RBM23: variants seen among roughly 807,000 people sequenced by gnomAD.
RBM23 encodes RNA binding motif protein 23, also known as probable RNA-binding protein 23.
A neutral mutation model predicts 56.2 loss-of-function variants in RBM23; 53 were observed. The ratio of observed to expected loss-of-function variants is 0.94; its 90% CI spans 0.76 to 1.19. The LOEUF (loss-of-function observed/expected upper bound fraction) is 1.19, where lower values mean the gene tolerates loss of function less well. Ranked by LOEUF, RBM23 falls within the 50% of genes most tolerant of loss-of-function variation. The probability of loss-of-function intolerance (pLI) is 0.00; values close to 1 mark genes in which losing one functional copy is unlikely to be tolerated. For synonymous variants in RBM23, 197 were observed against 198.5 expected (o/e 0.99, Z 0.06); for missense variants, 642 against 590.3 (o/e 1.09, Z -0.91).
At chr14:22,913,984 A>C (rs1352161419) in intron 1 of RBM23, 1 of 147,418 alleles carries the variant, frequency 6.8e-6, no homozygotes, top group Non-Finnish European at 1.5e-5. Flanking sequence ...AGATGGCACC[A>C]TTGCACTCCA....
chr14:22,914,259 A>T (rs1055760109), intron 1 of RBM23, among the ~76,000 whole-genome samples: 2 of 144,970 alleles, frequency 1.4e-5, no homozygotes, highest in African/African-American at 5.1e-5. Flanking sequence ...CGGGAGACAG[A>T]GGTTGCAGTG....
chr14:22,910,151 C>CA (rs532892000), intron 2 of RBM23, among the ~76,000 whole-genome samples: 566 of 16,692 alleles, frequency 0.034, 123 homozygotes, highest in African/African-American at 0.094. Flanking sequence ...GACTCTGTCT[C>CA]AAAAAAAAAA....
intron 4 of RBM23, 137 bp from the exon 5 acceptor site, chr14:22,906,505 TGTC>T (rs1413487415): frequency 1.2e-5 from 12 of 991,400 alleles, no homozygotes; most frequent in Non-Finnish European, 1.8e-5. Flanking sequence ...GCCACTGTAA[TGTC>T]GTAATGTATT....
rs912069835 is a variant in RBM23, at chr14:22,919,010, C to T, written c.-22G>A. The stretch of plus-strand genomic sequence containing the variant: ...TTGGGGTTTCTCACCAGTTCCGGGT[C>T]CCCGCAGGGGGGTCCCGGTTCTCTC... On this transcript the variant is annotated 5_prime_UTR_variant, in exon 1 of 14. Transcript: ENST00000359890. 1 of 152,090 alleles carries T rather than the reference C, an allele frequency of 6.6e-6. No individual in the cohort carries two copies. The highest frequency in any genetic ancestry group is 1.5e-5 in the Non-Finnish European group (1 of 68,022). The allele number at this position is 152,090 out of a possible 1,614,324, so 9.4% of individuals were successfully genotyped here. A position where few individuals can be genotyped will look rare whatever the true frequency, so the allele number is the denominator to read the frequency against.
intron 10 of RBM23, chr14:22,902,684 T>C (rs1003020401): frequency 9.4e-6 from 10 of 1,058,504 alleles, no homozygotes; most frequent in Admixed American, 1.0e-4. Flanking sequence ...AATGGGTATA[T>C]CAAATGGAAG....
Position 22,911,424 on chromosome 14 carries a change from T to A in RBM23, c.-10-21A>T, listed in dbSNP as rs749791691. ...CAGATCTGGGGAGAGGATATTAATATGTAAGAATCTGTTTTATATTTTTCC... is the reference window on the plus strand; with the variant it reads ...CAGATCTGGGGAGAGGATATTAATAAGTAAGAATCTGTTTTATATTTTTCC... On this transcript the variant is annotated intron_variant, in intron 1 of 13. Coordinates refer to ENST00000359890, the MANE Select transcript of RBM23 (RefSeq NM_001077351.2). 6 of 1,582,984 alleles carry A rather than the reference T, an allele frequency of 3.8e-6. No homozygotes were observed. In the Admixed American group the frequency reaches 1.0e-4, roughly 27 times the overall value.
intron 1 of RBM23, among the ~76,000 whole-genome samples, chr14:22,915,538 C>T (rs1278251360): frequency 7.1e-6 from 1 of 140,340 alleles, no homozygotes; most frequent in African/African-American, 2.7e-5. Context: ...CTCTGTTGTC[C>T]AGGCTGGAGT....
chr14:22,912,907 G>C (rs1230063107), intron 1 of RBM23, among the ~76,000 whole-genome samples: 1 of 147,884 alleles, frequency 6.8e-6, no homozygotes. Flanking sequence ...GGCTGAGGCA[G>C]GAGTATCACT....
rs768765088 is a variant in RBM23 at position 22,902,397 on chromosome 14, G to A, written c.931-15C>T. The A allele has an allele frequency of 7.5e-6, 12 of 1,605,528 alleles. No individual in the cohort carries two copies. The African/African-American group carries it at 1.3e-4, about 18-fold the overall frequency. On this transcript the variant is annotated splice_polypyrimidine_tract_variant and intron_variant, in intron 10 of 13. Coordinates refer to ENST00000359890, the MANE Select transcript of RBM23 (RefSeq NM_001077351.2). ...GAATCAGAGAACTATGAGAAACCCA[G>A]GCCATGTTAGTCACCTACTCACCAA...
chr14:22,909,331 C>A (rs1008664964), intron 3 of RBM23, 152 bp downstream of exon 3: 4 of 681,166 alleles, frequency 5.9e-6, no homozygotes, highest in African/African-American at 5.3e-5. Flanking sequence ...ATAATTAAAT[C>A]AAGTCACCAT....
intron 10 of RBM23, chr14:22,903,581 A>G (rs1218661125): frequency 4.0e-6 from 4 of 988,302 alleles, no homozygotes; most frequent in Non-Finnish European, 4.8e-6. Context: ...ACAGAATACA[A>G]CCTACTGCCC....
rs542947446 is a variant in RBM23 at position 22,906,219 on chromosome 14, T to C, written c.377A>G (p.Tyr126Cys). The change falls in exon 5 of 14, where the codon TAC becomes TGC. Residue 126 changes from tyrosine to cysteine, a missense_variant. Physicochemically the swap from Tyr to Cys is radical, Grantham distance 194 (BLOSUM62 -2). Coordinates refer to ENST00000359890, the MANE Select transcript of RBM23 (RefSeq NM_001077351.2). The part of the protein sequence containing the change: ...RDHRREDRVH[Y>C]RSPPLATGYR... Reference sequence around the variant, plus strand: ...CCCAGTGGCAAGTGGAGGACTCCTGTAATGCACACGATCCTCACGACGATG... The same window carrying C: ...CCCAGTGGCAAGTGGAGGACTCCTGCAATGCACACGATCCTCACGACGATG... 1.2e-6 allele frequency: 2 copies of C among 1,614,246 alleles called. No individual in the cohort carries two copies. Among genetic ancestry groups the C allele is most frequent in the South Asian group, 1.1e-5 (1 of 91,084 alleles).
Position 22,911,376 on chromosome 14 carries a change from A to C in RBM23, c.18T>G (p.Phe6Leu). 1 of 1,613,680 alleles carries C rather than the reference A, an allele frequency of 6.2e-7. No homozygotes were observed. The highest frequency in any genetic ancestry group is 1.1e-5 in the South Asian group (1 of 91,064). ...CCAGCATGGCCTCAATCACTATGTC[A>C]AAGTCATCAGATGCCATCCTGTCAG... MASDDFDIVIEAMLEA... is the reference protein window; with the variant it reads MASDDLDIVIEAMLEA... Residue 6 changes from phenylalanine (F) to leucine (L), a missense_variant, in exon 2 of 14, where the codon TTT becomes TTG. Transcript: ENST00000359890.
Position 22,904,948 on chromosome 14 carries a change from C to T in RBM23, c.791G>A (p.Arg264His), listed in dbSNP as rs1229131414. 32 of 1,614,112 alleles carry T rather than the reference C, an allele frequency of 2.0e-5. No homozygotes were observed. The highest frequency in any genetic ancestry group is 4.0e-5 in the African/African-American group (3 of 74,940). ...GAAGTGCAGGGAACCCACATAGAGG[C>T]GCATTGGTCCACCATTGCCCTTTTG... Reference protein sequence around the residue: ...NLQKGNGGPMRLYVGSLHFNI... With the variant: ...NLQKGNGGPMHLYVGSLHFNI... The change falls in exon 9 of 14, where the codon CGC (arginine) becomes CAC (histidine). Residue 264 changes from arginine to histidine, a missense_variant. Coordinates refer to ENST00000359890, the MANE Select transcript of RBM23 (RefSeq NM_001077351.2).
In RBM23 at chr14:22,911,351, C is replaced by T; in HGVS notation, c.43G>A (p.Glu15Lys). Residue 15 changes from glutamate to lysine, a missense_variant, in exon 2 of 14, where the codon GAA (glutamate) becomes AAA (lysine). Glu to Lys is a moderately conservative substitution (Grantham distance 56). Transcript: ENST00000359890. ...DFDIVIEAML[E>K]APYKKEEDEQ... ...ACCTCTTCTTTTTTATAGGGAGCTT[C>T]CAGCATGGCCTCAATCACTATGTCA... 1 of 1,613,744 alleles carries T rather than the reference C, an allele frequency of 6.2e-7. No homozygotes were observed. Among genetic ancestry groups the T allele is most frequent in the East Asian group, 2.2e-5 (1 of 44,862 alleles).
In RBM23 at chr14:22,901,731, T is replaced by A; in HGVS notation, c.1319A>T (p.Ter440LeuextTer66). ...GAGGCAGTATACTGTGCCACTGATT[T>A]ACCTGTGGAAAGAAGAGGTAAATGG... ...LSSLFTPQTM[*>L] Residue 440 changes from the stop codon to leucine (L), a stop_lost and splice_region_variant, in exon 14 of 14, where the codon TAA becomes TTA. Transcript: ENST00000359890. 1 of 1,613,540 alleles carries A rather than the reference T, an allele frequency of 6.2e-7. No homozygotes were observed. The highest frequency in any genetic ancestry group is 8.5e-7 in the Non-Finnish European group (1 of 1,179,392).
At chr14:22,902,754 GTCT>G in intron 10 of RBM23, 1 of 187,654 alleles carries the variant, frequency 5.3e-6, no homozygotes, top group Non-Finnish European at 7.5e-6. Flanking sequence ...GTAAGTTTTA[GTCT>G]TTTTTTTTTT....
At chr14:22,903,415 T>C (rs1325293719) in intron 10 of RBM23, 2 of 985,380 alleles carry the variant, frequency 2.0e-6, no homozygotes, top group Non-Finnish European at 2.4e-6. Context: ...CAAAAGTTAC[T>C]TGCCACCACA....
At position 22,897,922 on chromosome 14, in the gene RBM23, C is replaced by G. The variant is rs1287763127; in HGVS notation, c.*3808G>C. 2 of 152,208 alleles carry G rather than the reference C, an allele frequency of 1.3e-5. No individual in the cohort carries two copies. The highest frequency in any genetic ancestry group is 3.8e-4 in the East Asian group (2 of 5,204). 9.4% of individuals were successfully genotyped at this position (152,208 alleles called of 1,614,324 possible). On this transcript the variant is annotated 3_prime_UTR_variant, in exon 14 of 14. Coordinates refer to ENST00000359890, the MANE Select transcript of RBM23 (RefSeq NM_001077351.2). ...GAGGATTGTTGTGAGGATTTTGTGA[C>G]TTAATACACGATTAGAACACCTAAC...
Sources: allele counts gnomAD v4.1 joint callset (sites outside exome capture counted in the v4.1 genomes callset), GRCh38; gene constraint gnomAD v4.1.1; transcripts MANE v1.5; gene names NCBI Gene and HGNC (gene_info 2026-07-23, HGNC 2026-07-21).